FCHSD2: variants seen among roughly 807,000 people sequenced by gnomAD.
The protein encoded by FCHSD2 is F-BAR and double SH3 domains protein 2.
A neutral mutation model predicts 108.1 loss-of-function variants in FCHSD2; 38 were observed. That is an observed-to-expected ratio of 0.35 (90% CI 0.27 to 0.46). The LOEUF (loss-of-function observed/expected upper bound fraction) is 0.46, where lower values mean the gene tolerates loss of function less well. Ranked by LOEUF, FCHSD2 falls within the 20% of genes least tolerant of loss-of-function variation. The probability of loss-of-function intolerance (pLI) is 1.00; values close to 1 mark genes in which losing one functional copy is unlikely to be tolerated. For synonymous variants in FCHSD2, 279 were observed against 314.7 expected (o/e 0.89, Z 1.20); for missense variants, 751 against 897.8 (o/e 0.84, Z 2.09).
intron 3 of FCHSD2, among the ~76,000 whole-genome samples, chr11:73,054,028 A>G (rs570724350): frequency 6.6e-6 from 1 of 152,302 alleles, no homozygotes; most frequent in East Asian, 1.9e-4. Flanking sequence ...CACAACAGAT[A>G]GTTTGAGTGC....
chr11:73,025,235 A>G (rs1346586509), intron 3 of FCHSD2, among the ~76,000 whole-genome samples: 2 of 152,230 alleles, frequency 1.3e-5, no homozygotes, highest in East Asian at 3.8e-4. Flanking sequence ...CATGGAATCA[A>G]CCTAAACGCC....
chr11:72,901,381 A>G (rs981284941), intron 10 of FCHSD2, among the ~76,000 whole-genome samples: 1 of 152,132 alleles, frequency 6.6e-6, no homozygotes, highest in Non-Finnish European at 1.5e-5. Flanking sequence ...CCAGTGACAG[A>G]GTGAGACCCT....
chr11:73,055,139 G>A (rs531286618), intron 3 of FCHSD2, among the ~76,000 whole-genome samples: 43 of 152,128 alleles, frequency 2.8e-4, no homozygotes, highest in Non-Finnish European at 5.4e-4. Context: ...ATCAGATCTC[G>A]AAAGAACTCA....
intron 2 of FCHSD2, among the ~76,000 whole-genome samples, chr11:73,135,368 A>G (rs546124094): frequency 1.2e-4 from 19 of 152,298 alleles, no homozygotes; most frequent in South Asian, 4.1e-4. Context: ...AACAAACATG[A>G]TAATATCCAC....
chr11:72,879,084 C>T (rs188386442), intron 12 of FCHSD2, among the ~76,000 whole-genome samples: 1 of 152,142 alleles, frequency 6.6e-6, no homozygotes, highest in Non-Finnish European at 1.5e-5. Context: ...GCACTCAAGC[C>T]TGTGCGACAG....
chr11:72,897,255 T>C lies in FCHSD2; in HGVS notation c.924+5288A>G, dbSNP rs58006230. Among the ~76,000 whole-genome samples the C allele has an allele frequency of 0.019, 2,903 of 151,200 alleles. 221 individuals are homozygous for C. The East Asian group carries it at 0.27, about 14-fold the overall frequency. On this transcript the variant is annotated intron_variant, in intron 10 of 19. Coordinates refer to ENST00000409418, the MANE Select transcript of FCHSD2 (RefSeq NM_014824.3). ...CAAATAAGGTATAGTTGTCCTTCCA[T>C]ATCTGTGGGTTCTGTATCTGTGGAT... is the stretch of plus-strand genomic sequence containing the variant.
chr11:72,851,141 C>G (rs1861278136), intron 13 of FCHSD2, among the ~76,000 whole-genome samples: 1 of 147,802 alleles, frequency 6.8e-6, no homozygotes, highest in African/African-American at 2.5e-5. Flanking sequence ...TAAGTGCTAC[C>G]AAGGATGTGG....
chr11:73,105,470 G>C (rs1271302821), intron 2 of FCHSD2, among the ~76,000 whole-genome samples: 1 of 152,088 alleles, frequency 6.6e-6, no homozygotes, highest in Non-Finnish European at 1.5e-5. Context: ...CCAAAAGAAA[G>C]ATAACTTGGG....
chr11:73,033,878 G>A (rs1858425001), intron 3 of FCHSD2, among the ~76,000 whole-genome samples: 1 of 152,236 alleles, frequency 6.6e-6, no homozygotes, highest in Non-Finnish European at 1.5e-5. Context: ...ATTTGATGAC[G>A]TGACTTGAAG....
intron 8 of FCHSD2, chr11:72,940,707 C>A: frequency 1.0e-6 from 1 of 1,000,944 alleles, no homozygotes. Flanking sequence ...ACCGTGGTGG[C>A]AGAAAACGCC....
intron 5 of FCHSD2, among the ~76,000 whole-genome samples, chr11:72,995,563 G>A (rs1338805856): frequency 6.6e-6 from 1 of 151,958 alleles, no homozygotes; most frequent in Non-Finnish European, 1.5e-5. Context: ...AATCAGCCAG[G>A]TGTGGTGGCA....
intron 8 of FCHSD2, among the ~76,000 whole-genome samples, chr11:72,964,820 T>C (rs1251526630): frequency 2.0e-5 from 3 of 150,988 alleles, no homozygotes; most frequent in Non-Finnish European, 4.4e-5. Flanking sequence ...GATGGAGTCT[T>C]GCTCTGTTGC....
chr11:72,925,211 A>T (rs1856053238), intron 8 of FCHSD2, among the ~76,000 whole-genome samples: 1 of 152,204 alleles, frequency 6.6e-6, no homozygotes, highest in African/African-American at 2.4e-5. Flanking sequence ...AGAAAAGAAA[A>T]TCAAAGTTCT....
rs1565280681 is a variant in FCHSD2 at position 72,840,912 on chromosome 11, GC to G, written c.2103del (p.Arg701SerfsTer69). ...AESPGFSQAS[R>X]HTPETSYGKL... ...TTGCCATATGAGGTCTCAGGAGTAT[GC>G]CTTGATGCCTGTGAGAATCCTGGTG... On this transcript the variant is annotated frameshift_variant, in exon 19 of 20. Transcript: ENST00000409418. LOFTEE classifies it high-confidence loss of function. 1.2e-6 allele frequency: 2 copies of G among 1,613,264 alleles called. No individual in the cohort carries two copies.
At chr11:73,112,568 G>A (rs995751558) in intron 2 of FCHSD2, among the ~76,000 whole-genome samples, 1 of 152,108 alleles carries the variant, frequency 6.6e-6, no homozygotes, top group East Asian at 1.9e-4. Flanking sequence ...TTATCCCCGT[G>A]AATAAACTTT....
intron 8 of FCHSD2, among the ~76,000 whole-genome samples, chr11:72,968,585 T>A (rs1413459475): frequency 1.3e-5 from 2 of 152,236 alleles, no homozygotes; most frequent in Non-Finnish European, 2.9e-5. Context: ...TATTTCCAAT[T>A]ATGCTGACAG....
intron 3 of FCHSD2, among the ~76,000 whole-genome samples, chr11:73,056,835 C>A (rs1859036418): frequency 6.6e-6 from 1 of 152,188 alleles, no homozygotes; most frequent in African/African-American, 2.4e-5. Flanking sequence ...GTAATCCCAG[C>A]ACTTTGGGAG....
chr11:72,958,807 A>G (rs1856764453), intron 8 of FCHSD2, among the ~76,000 whole-genome samples: 5 of 152,238 alleles, frequency 3.3e-5, no homozygotes, highest in Admixed American at 1.3e-4. Flanking sequence ...AATCTTTTTA[A>G]AAGTTGAAAA....
At chr11:72,858,893 T>G (rs995391618) in intron 13 of FCHSD2, among the ~76,000 whole-genome samples, 1 of 152,054 alleles carries the variant, frequency 6.6e-6, no homozygotes, top group Non-Finnish European at 1.5e-5. Flanking sequence ...TCAAAATATA[T>G]GAAAGAACAG....
Sources: gnomAD v4.1 joint callset for allele counts (sites outside exome capture counted in the v4.1 genomes callset) on GRCh38, gnomAD v4.1.1 for gene constraint, MANE v1.5 for transcripts, NCBI Gene and HGNC (gene_info 2026-07-23, HGNC 2026-07-21) for gene names.